Variants in PAAF1 observed in about 807,000 individuals in gnomAD.
The protein encoded by PAAF1 is proteasomal ATPase associated factor 1.
In PAAF1, 46 loss-of-function variants were observed where a neutral mutation model predicts 52.8. The observed-to-expected ratio is 0.87, with a 90% CI of 0.69 to 1.11. The LOEUF (loss-of-function observed/expected upper bound fraction) is 1.11. Ranked by LOEUF, PAAF1 falls within the 50% of genes most tolerant of loss-of-function variation. The pLI is 0.00. For missense variants in PAAF1, 424 were observed against 477.4 expected (o/e 0.89, Z 1.04); for synonymous variants, 178 against 172.8 (o/e 1.03, Z -0.24).
At chr11:73,896,570 C>G (rs1347705626) in intron 4 of PAAF1, among the ~76,000 whole-genome samples, 1 of 151,362 alleles carries the variant, frequency 6.6e-6, no homozygotes, top group African/African-American at 2.4e-5. Flanking sequence ...ATCCATTCAA[C>G]CCTGAGTGGA....
intron 1 of PAAF1, 86 bp from the exon 2 acceptor site, chr11:73,878,693 T>TCA: frequency 1.6e-6 from 2 of 1,231,352 alleles, no homozygotes; most frequent in South Asian, 2.5e-5. Context: ...AAGCTGGAGG[T>TCA]TACATGACCT....
chr11:73,900,778 G>C (rs34202768), intron 6 of PAAF1, among the ~76,000 whole-genome samples: 8,410 of 151,644 alleles, frequency 0.055, 226 homozygotes, highest in Middle Eastern at 0.099. Flanking sequence ...GTCAGGAGAT[G>C]GAGACCATCC....
At chr11:73,915,107 T>C (rs1294122878) in intron 8 of PAAF1, among the ~76,000 whole-genome samples, 1 of 152,188 alleles carries the variant, frequency 6.6e-6, no homozygotes, top group Non-Finnish European at 1.5e-5. Flanking sequence ...ACAAGTTACT[T>C]AACCTCTCTG....
rs1450792813 is a variant in PAAF1 at position 73,877,066 on chromosome 11, C to T, written c.45C>T (p.Leu15=). ...LRIQSDWAQA[L]RKDEGEAWLS... is the part of the protein sequence containing the mutation. ...TTCAGAGCGACTGGGCGCAAGCCCT[C>T]AGGTGAATCCAGGCCCAGAACAGAG... The change falls in exon 1 of 12, where the codon CTC becomes CTT. Residue 15 remains leucine, a splice_region_variant and synonymous_variant. Transcript: ENST00000310571. The T allele has an allele frequency of 6.5e-7, 1 of 1,536,584 alleles. No homozygotes were observed. The highest frequency in any genetic ancestry group is 8.8e-7 in the Non-Finnish European group (1 of 1,139,302).
At chr11:73,898,880 A>G (rs1287713265) in intron 4 of PAAF1, among the ~76,000 whole-genome samples, 2 of 152,216 alleles carry the variant, frequency 1.3e-5, no homozygotes, top group Non-Finnish European at 2.9e-5. Context: ...AAATGGGGAT[A>G]GGGAAAACTT....
chr11:73,919,564 G>A (rs958564217), intron 10 of PAAF1, among the ~76,000 whole-genome samples: 8 of 152,344 alleles, frequency 5.3e-5, no homozygotes, highest in South Asian at 4.1e-4. Flanking sequence ...AAGAGCACTA[G>A]CATTTCCAGA....
chr11:73,891,877 T>A (rs2135148072), intron 4 of PAAF1, among the ~76,000 whole-genome samples: 1 of 152,240 alleles, frequency 6.6e-6, no homozygotes, highest in East Asian at 1.9e-4. Context: ...AAATTTCAAA[T>A]ATACCACATT....
chr11:73,899,081 CAT>C, intron 4 of PAAF1, 63 bp from the exon 5 acceptor site: 1 of 1,306,982 alleles, frequency 7.7e-7, no homozygotes, highest in Non-Finnish European at 1.1e-6. Context: ...AAGTTTATAA[CAT>C]ATTTCAAGGG....
At chr11:73,921,071 G>A (rs957522473) in intron 10 of PAAF1, among the ~76,000 whole-genome samples, 8 of 151,986 alleles carry the variant, frequency 5.3e-5, no homozygotes, top group African/African-American at 1.7e-4. Context: ...AGGTCAAGGC[G>A]GGTGGATCAG....
chr11:73,902,800 A>G (rs1333427503), intron 6 of PAAF1, among the ~76,000 whole-genome samples: 1 of 152,186 alleles, frequency 6.6e-6, no homozygotes, highest in East Asian at 1.9e-4. Context: ...TGGTTCAAGC[A>G]ATTCTCCTGC....
At chr11:73,889,297 T>G in intron 3 of PAAF1, 1 of 1,114,650 alleles carries the variant, frequency 9.0e-7, no homozygotes, top group Non-Finnish European at 1.2e-6. Flanking sequence ...CATGAGTCAC[T>G]TTGCTAATTT....
intron 10 of PAAF1, chr11:73,921,579 A>G: frequency 3.4e-6 from 2 of 585,528 alleles, no homozygotes; most frequent in Non-Finnish European, 6.6e-6. Flanking sequence ...ACTTTATGAA[A>G]TAAAGGCAAA....
chr11:73,904,263 T>C (rs764921049), intron 6 of PAAF1, among the ~76,000 whole-genome samples: 16 of 152,104 alleles, frequency 1.1e-4, no homozygotes, highest in Non-Finnish European at 1.8e-4. Context: ...AGTTTTGTGA[T>C]TGTAACATAT....
intron 4 of PAAF1, among the ~76,000 whole-genome samples, chr11:73,897,621 T>G (rs1949445927): frequency 7.2e-6 from 1 of 138,286 alleles, no homozygotes; most frequent in South Asian, 2.3e-4. Flanking sequence ...ACTTCCTAGA[T>G]GGGATGGCGG....
chr11:73,890,885 A>G (rs577362947), intron 3 of PAAF1, among the ~76,000 whole-genome samples: 1 of 152,218 alleles, frequency 6.6e-6, no homozygotes, highest in Non-Finnish European at 1.5e-5. Context: ...ACACAAAAAG[A>G]TAATGGCATC....
At chr11:73,880,613 G>A (rs1310033228) in intron 2 of PAAF1, 1 of 148,876 alleles carries the variant, frequency 6.7e-6, no homozygotes, top group Non-Finnish European at 1.5e-5. Context: ...AGTGAACCCG[G>A]GAGGCGGGGC....
intron 7 of PAAF1, among the ~76,000 whole-genome samples, chr11:73,911,187 A>G (rs577778258): frequency 2.0e-5 from 3 of 152,046 alleles, no homozygotes; most frequent in East Asian, 1.9e-4. Context: ...TATATATCCT[A>G]TAGGGTCTGA....
chr11:73,897,458 A>C (rs1468051156), intron 4 of PAAF1, among the ~76,000 whole-genome samples: 2 of 147,924 alleles, frequency 1.4e-5, no homozygotes, highest in Non-Finnish European at 3.0e-5. Flanking sequence ...GGGTCTCCTC[A>C]CTTCTCAGAC....
intron 3 of PAAF1, chr11:73,888,857 T>A (rs890864900): frequency 4.9e-6 from 2 of 405,146 alleles, no homozygotes; most frequent in Non-Finnish European, 8.7e-6. Context: ...AAAGCTGAGA[T>A]CCTATTCTAC....
Sources: gnomAD v4.1 joint callset for allele counts (sites outside exome capture counted in the v4.1 genomes callset) on GRCh38, gnomAD v4.1.1 for gene constraint, MANE v1.5 for transcripts, NCBI Gene and HGNC (gene_info 2026-07-23, HGNC 2026-07-21) for gene names.